Variants in PKNOX2 observed in about 807,000 individuals in gnomAD.
PKNOX2 encodes PBX/knotted 1 homeobox 2.
In PKNOX2, 14 loss-of-function variants were observed where a neutral mutation model predicts 53.1. The observed-to-expected ratio is 0.26, with a 90% CI of 0.17 to 0.41. The LOEUF (loss-of-function observed/expected upper bound fraction) is 0.41. Ranked by LOEUF, PKNOX2 falls within the 10% of genes least tolerant of loss-of-function variation. PKNOX2 has a pLI of 1.00. For synonymous variants in PKNOX2, 257 were observed against 242.8 expected (o/e 1.06, Z -0.54); for missense variants, 496 against 602.8 (o/e 0.82, Z 1.85).
chr11:125,181,991 T>C (rs745613737), intron 1 of PKNOX2, among the ~76,000 whole-genome samples: 6 of 152,224 alleles, frequency 3.9e-5, no homozygotes, highest in Non-Finnish European at 7.3e-5. Context: ...AGAGGTTTTG[T>C]TGATTGTGTG....
In PKNOX2 at chr11:125,425,848, C is replaced by T. The variant is rs193238297; in HGVS notation, c.937-3164C>T. On this transcript the variant is annotated intron_variant, in intron 10 of 12. Coordinates refer to ENST00000298282, the MANE Select transcript of PKNOX2 (RefSeq NM_001382323.2). ...GGTGCCAGGAATGTTCTGGCTGACA[C>T]ACCTGTCCCCAGAGCTGCTAAACGC... is the stretch of plus-strand genomic sequence containing the variant. 1.6e-4 allele frequency among the ~76,000 whole-genome samples: 25 copies of T among 152,326 alleles called. No individual in the cohort carries two copies. The East Asian group carries it at 2.3e-3, about 14-fold the overall frequency.
intron 3 of PKNOX2, among the ~76,000 whole-genome samples, chr11:125,336,101 G>A (rs1950420407): frequency 6.6e-6 from 1 of 152,164 alleles, no homozygotes; most frequent in Non-Finnish European, 1.5e-5. Context: ...TTTAACTGCT[G>A]CATAGTTTTC....
chr11:125,305,963 A>G (rs1948422226), intron 2 of PKNOX2, among the ~76,000 whole-genome samples: 1 of 152,228 alleles, frequency 6.6e-6, no homozygotes, highest in Non-Finnish European at 1.5e-5. Flanking sequence ...TTTAAAAGCC[A>G]GGTGTAAAAT....
intron 2 of PKNOX2, among the ~76,000 whole-genome samples, chr11:125,270,212 T>G (rs1945683537): frequency 6.6e-6 from 1 of 152,226 alleles, no homozygotes; most frequent in African/African-American, 2.4e-5. Context: ...CAGATAAGAT[T>G]GCAACTACCA....
rs981767572 is a variant in PKNOX2 at position 125,198,852 on chromosome 11, T to C, written c.-201+34076T>C. On this transcript the variant is annotated intron_variant, in intron 1 of 12. Coordinates refer to ENST00000298282, the MANE Select transcript of PKNOX2 (RefSeq NM_001382323.2). ...TTCTTCTTCTTCTTCTTTTTTTTTT[T>C]TTTCTGAGACAGAGTATCACTCTTG... is the stretch of plus-strand genomic sequence containing the variant. Among the ~76,000 whole-genome samples, 102 of 151,402 alleles carry C rather than the reference T, an allele frequency of 6.7e-4. 1 individual carries two copies. The highest frequency in any genetic ancestry group is 2.4e-3 in the African/African-American group (100 of 41,266).
At chr11:125,431,138 T>C (rs1302957474) in intron 12 of PKNOX2, 28 bp from the exon 13 acceptor site, 2 of 1,607,782 alleles carry the variant, frequency 1.2e-6, no homozygotes, top group African/African-American at 2.7e-5. Flanking sequence ...AGCCCCTGCC[T>C]CGTCCTGACC....
At chr11:125,209,801 A>T (rs965540335) in intron 1 of PKNOX2, among the ~76,000 whole-genome samples, 2 of 152,000 alleles carry the variant, frequency 1.3e-5, no homozygotes, top group African/African-American at 4.8e-5. Flanking sequence ...TAGAAACGTC[A>T]AAAGCAGGAG....
At chr11:125,270,805 G>A (rs1039264743) in intron 2 of PKNOX2, among the ~76,000 whole-genome samples, 13 of 152,142 alleles carry the variant, frequency 8.5e-5, no homozygotes, top group African/African-American at 3.1e-4. Context: ...ATAGGATGGC[G>A]GGAGGAAACT....
intron 6 of PKNOX2, among the ~76,000 whole-genome samples, chr11:125,392,933 C>A (rs1310737761): frequency 6.6e-6 from 1 of 151,672 alleles, no homozygotes. Context: ...CCAAGGTGGG[C>A]GGATCATGAG....
At chr11:125,318,556 C>T (rs1949343257) in intron 2 of PKNOX2, among the ~76,000 whole-genome samples, 2 of 152,238 alleles carry the variant, frequency 1.3e-5, no homozygotes, top group East Asian at 1.9e-4. Flanking sequence ...ACCATTCAAA[C>T]GTTTACCACG....
Position 125,370,305 on chromosome 11 carries a change from G to A in PKNOX2, c.227+2320G>A, listed in dbSNP as rs1020672228. Among the ~76,000 whole-genome samples, 1 of 152,154 alleles carries A rather than the reference G, an allele frequency of 6.6e-6. No individual in the cohort carries two copies. Among genetic ancestry groups the A allele is most frequent in the African/African-American group, 2.4e-5 (1 of 41,432 alleles). ...TCTGTCCCACCAATGGGAACCATGG[G>A]TTCCAAAGCCCTTCTCACAATCCCA... On this transcript the variant is annotated intron_variant, in intron 5 of 12. Transcript: ENST00000298282. The surrounding 1 kb of genome is among the most constrained non-coding windows in gnomAD (Gnocchi z 4.1).
intron 2 of PKNOX2, among the ~76,000 whole-genome samples, chr11:125,274,958 C>T (rs1268423546): frequency 2.6e-5 from 4 of 152,174 alleles, no homozygotes; most frequent in East Asian, 1.9e-4. Context: ...AGCCATAAAT[C>T]GCTTCCTTCA....
chr11:125,358,105 C>T (rs1428732939), intron 4 of PKNOX2, among the ~76,000 whole-genome samples: 1 of 152,174 alleles, frequency 6.6e-6, no homozygotes, highest in East Asian at 1.9e-4. Flanking sequence ...GTTCCTCAGC[C>T]CCTTTTCACC....
chr11:125,277,973 T>G (rs1250572137), intron 2 of PKNOX2, among the ~76,000 whole-genome samples: 3 of 151,990 alleles, frequency 2.0e-5, no homozygotes, highest in African/African-American at 7.3e-5. Flanking sequence ...TCACAACACT[T>G]TGGGAGGCTG....
At chr11:125,337,603 G>A (rs1194819923) in intron 3 of PKNOX2, among the ~76,000 whole-genome samples, 2 of 152,202 alleles carry the variant, frequency 1.3e-5, no homozygotes, top group Non-Finnish European at 2.9e-5. Flanking sequence ...ACCACCATGT[G>A]TTGGGGCTTG....
chr11:125,351,506 G>GT (rs1951319973), intron 4 of PKNOX2, 114 bp downstream of exon 4: 1 of 685,236 alleles, frequency 1.5e-6, no homozygotes, highest in Admixed American at 2.5e-5. Flanking sequence ...CAGGCCTCCC[G>GT]CAATCACGTC....
At chr11:125,374,812 T>A (rs1465875603) in intron 5 of PKNOX2, among the ~76,000 whole-genome samples, 2 of 152,190 alleles carry the variant, frequency 1.3e-5, no homozygotes, top group African/African-American at 4.8e-5. Context: ...CTGGCAGTGC[T>A]TGGCACACAG....
At chr11:125,205,435 G>A (rs751570448) in intron 1 of PKNOX2, among the ~76,000 whole-genome samples, 2 of 152,166 alleles carry the variant, frequency 1.3e-5, no homozygotes, top group African/African-American at 2.4e-5. Context: ...TCTTGATCAC[G>A]GAGGGCAAAG....
chr11:125,317,392 C>T (rs889826500), intron 2 of PKNOX2, among the ~76,000 whole-genome samples: 1 of 152,186 alleles, frequency 6.6e-6, no homozygotes, highest in Non-Finnish European at 1.5e-5. Flanking sequence ...TCAGATCCAC[C>T]AGAGGAATTG....
Sources: allele counts gnomAD v4.1 joint callset (sites outside exome capture counted in the v4.1 genomes callset), GRCh38; gene constraint gnomAD v4.1.1; non-coding constraint Gnocchi (gnomAD v3.1); transcripts MANE v1.5; gene names NCBI Gene and HGNC (gene_info 2026-07-23, HGNC 2026-07-21).